Variants in OGDH observed in about 807,000 individuals in gnomAD.
OGDH encodes the protein oxoglutarate dehydrogenase.
In OGDH, 38 loss-of-function variants were observed where a neutral mutation model predicts 116.6. The observed-to-expected ratio is 0.33, with a 90% CI of 0.25 to 0.43. OGDH has a LOEUF of 0.43. Among genes scored for constraint, OGDH ranks in the 20% least tolerant of loss-of-function variants. The pLI, the probability that OGDH is intolerant of heterozygous loss-of-function variation, is 1.00. For synonymous variants in OGDH, 488 were observed against 533.3 expected (o/e 0.92, Z 1.17); for missense variants, 825 against 1,357.2 (o/e 0.61, Z 6.16).
chr7:44,690,932 A>T (rs979634201), intron 10 of OGDH, among the ~76,000 whole-genome samples: 7 of 148,104 alleles, frequency 4.7e-5, no homozygotes, highest in African/African-American at 1.7e-4. Flanking sequence ...CTGATACACC[A>T]TTTTTTTTTT....
intron 10 of OGDH, among the ~76,000 whole-genome samples, chr7:44,688,083 G>C (rs955118407): frequency 2.0e-5 from 3 of 152,090 alleles, no homozygotes; most frequent in Admixed American, 2.0e-4. Context: ...AAATAATGCT[G>C]CTGTGGGCTG....
At chr7:44,687,074 TAAA>T (rs200463678) in intron 10 of OGDH, among the ~76,000 whole-genome samples, 3 of 149,474 alleles carry the variant, frequency 2.0e-5, no homozygotes, top group African/African-American at 7.4e-5. Context: ...CTCATGTTTT[TAAA>T]AAAATTTTTT....
At chr7:44,645,945 A>G (rs1320043769) in intron 3 of OGDH, among the ~76,000 whole-genome samples, 2 of 152,114 alleles carry the variant, frequency 1.3e-5, no homozygotes, top group African/African-American at 4.8e-5. Context: ...AAACCATACT[A>G]TAGAGTTTGG....
chr7:44,673,756 C>A (rs762988023), intron 5 of OGDH, 31 bp from the exon 6 acceptor site: 1 of 1,612,116 alleles, frequency 6.2e-7, no homozygotes, highest in Non-Finnish European at 8.5e-7. Flanking sequence ...GGTTAGAAAT[C>A]CCCTTGACTG....
chr7:44,693,417 G>A (rs1469061269), intron 10 of OGDH, among the ~76,000 whole-genome samples: 1 of 151,866 alleles, frequency 6.6e-6, no homozygotes, highest in Admixed American at 6.6e-5. Flanking sequence ...GGCCAGCCTG[G>A]GCAACATGGT....
intron 1 of OGDH, among the ~76,000 whole-genome samples, chr7:44,619,196 G>A (rs1009733440): frequency 6.6e-6 from 1 of 152,222 alleles, no homozygotes; most frequent in African/African-American, 2.4e-5. Flanking sequence ...GAAAAAAACA[G>A]TAGATGTAAG....
chr7:44,645,817 C>T (rs974976070), intron 3 of OGDH, among the ~76,000 whole-genome samples: 14 of 152,272 alleles, frequency 9.2e-5, no homozygotes, highest in African/African-American at 3.1e-4. Flanking sequence ...AGTCAGTACC[C>T]GGGCATCAAG....
intron 20 of OGDH, among the ~76,000 whole-genome samples, chr7:44,703,059 A>G (rs114835308): frequency 0.04 from 6,029 of 152,206 alleles, 374 homozygotes; most frequent in African/African-American, 0.14. Flanking sequence ...GGCTTGTTTC[A>G]TTTAGTATAA....
chr7:44,661,640 C>T (rs997050436), intron 4 of OGDH, among the ~76,000 whole-genome samples: 1 of 151,826 alleles, frequency 6.6e-6, no homozygotes, highest in African/African-American at 2.4e-5. Context: ...CGCTCTTTCA[C>T]CCAGGCTAGA....
At chr7:44,613,883 T>C (rs1400572153) in intron 1 of OGDH, among the ~76,000 whole-genome samples, 1 of 144,358 alleles carries the variant, frequency 6.9e-6, no homozygotes, top group African/African-American at 2.6e-5. Context: ...CTCAGCTCAC[T>C]GCAACCTCCA....
chr7:44,635,475 A>C (rs1390441288), intron 2 of OGDH, among the ~76,000 whole-genome samples: 1 of 152,074 alleles, frequency 6.6e-6, no homozygotes, highest in Non-Finnish European at 1.5e-5. Flanking sequence ...GGTGGCAGTA[A>C]TGTGGTGACC....
intron 2 of OGDH, among the ~76,000 whole-genome samples, chr7:44,641,209 CTTTTTTTTTTTTTTTCT>C (rs1387862335): frequency 1.2e-4 from 13 of 108,622 alleles, no homozygotes; most frequent in East Asian, 7.6e-4. Flanking sequence ...CCTTTTTCTT[CTTTTTTTTTTTTTTTCT>C]TTTTTTTTTT....
Position 44,707,379 on chromosome 7 carries a change from G to T in OGDH, c.2787G>T (p.Arg929Ser). ...RDMVGQVAIT[R>S]IEQLSPFPFD... ...TGGTGGGGCAGGTGGCCATCACAAG[G>T]ATTGAGCAGGTGAGGGCAGGTGGTG... The change falls in exon 21 of 23, where the codon AGG becomes AGT. Residue 929 changes from arginine (R) to serine (S), a missense_variant. Physicochemically the swap from Arg to Ser is moderately radical, Grantham distance 110. Coordinates refer to ENST00000222673, the MANE Select transcript of OGDH (RefSeq NM_002541.4). The surrounding 1 kb of genome is among the most constrained non-coding windows in gnomAD (Gnocchi z 5.2). 1 of 1,614,240 alleles carries T rather than the reference G, an allele frequency of 6.2e-7. No homozygotes were observed. The highest frequency in any genetic ancestry group is 8.5e-7 in the Non-Finnish European group (1 of 1,180,040).
chr7:44,656,755 G>A (rs1196789092), intron 4 of OGDH, among the ~76,000 whole-genome samples: 1 of 152,194 alleles, frequency 6.6e-6, no homozygotes, highest in East Asian at 1.9e-4. Flanking sequence ...GGCTTTGACT[G>A]GACTCTGGAT....
intron 1 of OGDH, among the ~76,000 whole-genome samples, chr7:44,616,811 ATATACG>A (rs1784807746): frequency 7.1e-6 from 1 of 140,634 alleles, no homozygotes; most frequent in Admixed American, 7.2e-5. Context: ...ATATATGCAT[ATATACG>A]TATATATGTG....
chr7:44,662,341 A>G (rs573790613), intron 4 of OGDH, among the ~76,000 whole-genome samples: 1 of 151,618 alleles, frequency 6.6e-6, no homozygotes, highest in Non-Finnish European at 1.5e-5. Flanking sequence ...GGGAACCTCT[A>G]TTTCTCCTTC....
intron 4 of OGDH, among the ~76,000 whole-genome samples, chr7:44,650,276 C>T (rs1038261435): frequency 7.5e-6 from 1 of 133,730 alleles, no homozygotes. Context: ...CAGATGTGAC[C>T]GCTAGACAGT....
intron 5 of OGDH, among the ~76,000 whole-genome samples, chr7:44,671,594 T>G (rs1248465197): frequency 6.8e-6 from 1 of 147,126 alleles, no homozygotes; most frequent in Non-Finnish European, 1.5e-5. Flanking sequence ...AAACCCCGTC[T>G]CTACTAAAAA....
rs1321402961 is a variant in OGDH at position 44,666,940 on chromosome 7, T to C, written c.633+89T>C. The C allele has an allele frequency of 4.1e-6, 3 of 739,822 alleles. No individual in the cohort carries two copies. In the East Asian group the frequency reaches 8.6e-5, roughly 21 times the overall value. 45.8% of individuals were successfully genotyped at this position (739,822 alleles called of 1,614,324 possible). On this transcript the variant is annotated intron_variant, in intron 5 of 22. Coordinates refer to ENST00000222673, the MANE Select transcript of OGDH (RefSeq NM_002541.4). ...TGAGACTAGTTTTATTTTTTTTCTTTGTCCTATCTTTCTATTTTATTTTTT... is the reference window on the plus strand; with the variant it reads ...TGAGACTAGTTTTATTTTTTTTCTTCGTCCTATCTTTCTATTTTATTTTTT...
Sources: allele counts gnomAD v4.1 joint callset (sites outside exome capture counted in the v4.1 genomes callset), GRCh38; gene constraint gnomAD v4.1.1; non-coding constraint Gnocchi (gnomAD v3.1); transcripts MANE v1.5; gene names NCBI Gene and HGNC (gene_info 2026-07-23, HGNC 2026-07-21).